Variants in TMEM236 observed in about 807,000 individuals in gnomAD.
The protein encoded by TMEM236 is transmembrane protein 236, also known as family with sequence similarity 23, member A.
Under a neutral mutation model 14.7 loss-of-function variants are expected in TMEM236, and 11 were observed. The observed-to-expected ratio is 0.75, with a 90% confidence interval of 0.47 to 1.24. The LOEUF is 1.24. Among genes scored for constraint, TMEM236 ranks in the 50% most tolerant of loss-of-function variants. TMEM236 has a pLI of 0.00. For synonymous variants in TMEM236, 182 were observed against 168.6 expected, an observed-to-expected ratio of 1.08 and a Z score of -0.62; for missense variants, 464 against 427.3, an observed-to-expected ratio of 1.09 and a Z score of -0.76.
rs34569809 is a variant in TMEM236, at chr10:17,796,665, T to TTA, written c.*161_*162insTA. On this transcript the variant is annotated 3_prime_UTR_variant, in exon 4 of 4. Coordinates refer to ENST00000377495, the MANE Select transcript of TMEM236 (RefSeq NM_001098844.3). The stretch of plus-strand genomic sequence containing the variant: ...ACTCTAGCATATCAGTTTTTTTTTT[T>TTA]ACATATACAAATGGTGCTAAATTTA... 6.2e-6 allele frequency: 4 copies of TTA among 641,972 alleles called. No homozygotes were observed. Among genetic ancestry groups the TTA allele is most frequent in the Non-Finnish European group, 1.1e-5 (4 of 373,702 alleles). The allele number at this position is 641,972 out of a possible 1,614,324, so 39.8% of individuals were successfully genotyped here. A position where few individuals can be genotyped will look rare whatever the true frequency, so the allele number is the denominator to read the frequency against.
At chr10:17,756,810 AG>A (rs1202745254) in intron 1 of TMEM236, among the ~76,000 whole-genome samples, 1,630 of 152,274 alleles carry the variant, frequency 0.011, 31 homozygotes, top group African/African-American at 0.036. Flanking sequence ...GGCAATTGAG[AG>A]TTAAGGAACA....
At chr10:17,773,062 T>C (rs1837600211) in intron 2 of TMEM236, among the ~76,000 whole-genome samples, 2 of 152,248 alleles carry the variant, frequency 1.3e-5, no homozygotes, top group African/African-American at 4.8e-5. Flanking sequence ...AATTTACTTA[T>C]CTGTTCTACT....
At chr10:17,782,775 A>T (rs1469596685) in intron 3 of TMEM236, among the ~76,000 whole-genome samples, 1 of 152,098 alleles carries the variant, frequency 6.6e-6, no homozygotes, top group East Asian at 1.9e-4. Context: ...TCTACTGTGT[A>T]GAAGGTGTTA....
At chr10:17,767,823 T>G (rs1837493372) in intron 1 of TMEM236, among the ~76,000 whole-genome samples, 1 of 152,104 alleles carries the variant, frequency 6.6e-6, no homozygotes, top group Non-Finnish European at 1.5e-5. Flanking sequence ...ACAACGGTTG[T>G]AGGAGAGACT....
At chr10:17,793,125 T>G (rs1837953310) in intron 3 of TMEM236, among the ~76,000 whole-genome samples, 1 of 152,218 alleles carries the variant, frequency 6.6e-6, no homozygotes, top group Non-Finnish European at 1.5e-5. Context: ...TGTGGAGAGA[T>G]ATGAAGTTCA....
intron 1 of TMEM236, among the ~76,000 whole-genome samples, chr10:17,765,416 C>G (rs1220373413): frequency 1.3e-5 from 2 of 152,172 alleles, no homozygotes; most frequent in Admixed American, 1.3e-4. Flanking sequence ...CAAATCTCAA[C>G]TACACATCAT....
At chr10:17,752,642 C>G (rs1837226236) in intron 1 of TMEM236, 90 bp downstream of exon 1, 13 of 1,310,762 alleles carry the variant, frequency 9.9e-6, no homozygotes, top group Non-Finnish European at 1.1e-6. Flanking sequence ...TCTTGGCTCA[C>G]TGCAACGTCC....
chr10:17,796,672 A>G lies in TMEM236; in HGVS notation c.*168A>G, dbSNP rs966180725. ...CATATCAGTTTTTTTTTTTACATATACAAATGGTGCTAAATTTAAGTAAAG... is the reference window on the plus strand; with the variant it reads ...CATATCAGTTTTTTTTTTTACATATGCAAATGGTGCTAAATTTAAGTAAAG... On this transcript the variant is annotated 3_prime_UTR_variant, in exon 4 of 4. Coordinates refer to ENST00000377495, the MANE Select transcript of TMEM236 (RefSeq NM_001098844.3). 5 of 625,720 alleles carry G rather than the reference A, an allele frequency of 8.0e-6. No individual in the cohort carries two copies. Among genetic ancestry groups the G allele is most frequent in the Admixed American group, 6.0e-5 (2 of 33,454 alleles). The allele number at this position is 625,720 out of a possible 1,614,324, so 38.8% of individuals were successfully genotyped here. A position where few individuals can be genotyped will look rare whatever the true frequency, so the allele number is the denominator to read the frequency against.
chr10:17,778,464 T>A (rs2131754888), intron 3 of TMEM236, among the ~76,000 whole-genome samples: 1 of 152,334 alleles, frequency 6.6e-6, no homozygotes, highest in East Asian at 1.9e-4. Context: ...TATGAATACA[T>A]TAACATGTAA....
In TMEM236 at chr10:17,767,441, T is replaced by C. The variant is rs1345870322; in HGVS notation, c.258-3868T>C. On this transcript the variant is annotated intron_variant, in intron 1 of 3. Transcript: ENST00000377495. ...AGCCATTGCACTCCAGCCTGGGTGA[T>C]AGAGTAAGACTCCATCTCAAAAAAT... Among the ~76,000 whole-genome samples the C allele has an allele frequency of 5.3e-5, 8 of 152,220 alleles. No individual in the cohort carries two copies. The East Asian group carries it at 1.5e-3, about 29-fold the overall frequency.
intron 1 of TMEM236, among the ~76,000 whole-genome samples, chr10:17,757,526 G>A (rs1319312153): frequency 6.6e-6 from 1 of 151,200 alleles, no homozygotes; most frequent in Non-Finnish European, 1.5e-5. Context: ...TTGAGCCCTG[G>A]AGATCAAGGC....
Position 17,798,556 on chromosome 10 carries a change from T to G in TMEM236, c.*2052T>G, listed in dbSNP as rs1838050904. 1.9e-6 allele frequency: 1 copy of G among 534,102 alleles called. No individual in the cohort carries two copies. The highest frequency in any genetic ancestry group is 1.9e-5 in the African/African-American group (1 of 51,886). 33.1% of individuals were successfully genotyped at this position (534,102 alleles called of 1,614,324 possible). A position where few individuals can be genotyped will look rare whatever the true frequency, so the allele number is the denominator to read the frequency against. ...CCATCTAAAAAAAATAAAAGAGAAT[T>G]TGACGTTGTGTTATTCTACGCTCCA... On this transcript the variant is annotated 3_prime_UTR_variant, in exon 4 of 4. Transcript: ENST00000377495.
Position 17,796,289 on chromosome 10 carries a change from A to C in TMEM236, c.841A>C (p.Thr281Pro). Residue 281 changes from threonine (T) to proline (P), a missense_variant, in exon 4 of 4, where the codon ACA becomes CCA. Coordinates refer to ENST00000377495, the MANE Select transcript of TMEM236 (RefSeq NM_001098844.3). ...CAGTTTTATTTCTCTCCTTCGAATT[A>C]CATTCACTCCCCAAAACCCTCTTCT... is the stretch of plus-strand genomic sequence containing the variant. ...IFSFISLLRI[T>P]FTPQNPLLNS... The C allele has an allele frequency of 6.2e-7, 1 of 1,613,946 alleles. No homozygotes were observed. The highest frequency in any genetic ancestry group is 8.5e-7 in the Non-Finnish European group (1 of 1,179,868).
At chr10:17,789,318 CA>C (rs1837885449) in intron 3 of TMEM236, among the ~76,000 whole-genome samples, 3 of 152,094 alleles carry the variant, frequency 2.0e-5, no homozygotes, top group Non-Finnish European at 4.4e-5. Flanking sequence ...TAACTATAGC[CA>C]AAGTTAAACA....
intron 2 of TMEM236, among the ~76,000 whole-genome samples, chr10:17,773,129 A>T (rs1195878686): frequency 6.6e-6 from 1 of 152,190 alleles, no homozygotes; most frequent in Non-Finnish European, 1.5e-5. Flanking sequence ...TGCGGCAGTG[A>T]ACATCTGTGA....
intron 1 of TMEM236, among the ~76,000 whole-genome samples, chr10:17,756,397 A>G (rs945576285): frequency 2.6e-5 from 4 of 151,870 alleles, no homozygotes; most frequent in African/African-American, 9.7e-5. Flanking sequence ...CCAGGTTCAC[A>G]CGATTCTCTT....
chr10:17,758,279 C>A (rs1837310647), intron 1 of TMEM236, among the ~76,000 whole-genome samples: 1 of 152,122 alleles, frequency 6.6e-6, no homozygotes, highest in African/African-American at 2.4e-5. Context: ...ATTTCATAGA[C>A]CCTGAACATT....
chr10:17,760,216 A>G (rs1837340672), intron 1 of TMEM236, among the ~76,000 whole-genome samples: 1 of 152,188 alleles, frequency 6.6e-6, no homozygotes, highest in African/African-American at 2.4e-5. Flanking sequence ...ACTTCTCAGA[A>G]CACTCCAGTT....
chr10:17,771,495 A>G (rs10508547), intron 2 of TMEM236, 114 bp downstream of exon 2: 37,347 of 993,728 alleles, frequency 0.038, 1,321 homozygotes, highest in East Asian at 0.19. Flanking sequence ...ATGTAATCCA[A>G]TCTTCTTCCA....
Sources: allele counts gnomAD v4.1 joint callset (sites outside exome capture counted in the v4.1 genomes callset), GRCh38; gene constraint gnomAD v4.1.1; transcripts MANE v1.5; gene names NCBI Gene and HGNC (gene_info 2026-07-23, HGNC 2026-07-21).